Variants in MAP3K5 observed in about 807,000 individuals in gnomAD.
MAP3K5 encodes the protein mitogen-activated protein kinase kinase kinase 5.
A neutral mutation model predicts 158.7 loss-of-function variants in MAP3K5; 56 were observed. The observed-to-expected ratio is 0.35, with a 90% CI of 0.28 to 0.44. The LOEUF (loss-of-function observed/expected upper bound fraction) is 0.44. Ranked by LOEUF, MAP3K5 falls within the 20% of genes least tolerant of loss-of-function variation. The probability of loss-of-function intolerance (pLI) is 1.00; values close to 1 mark genes in which losing one functional copy is unlikely to be tolerated. For synonymous variants in MAP3K5, 579 were observed against 601.7 expected (o/e 0.96, Z 0.55); for missense variants, 1,294 against 1,674.8 (o/e 0.77, Z 3.97).
In MAP3K5 at chr6:136,573,469, C is replaced by T. The variant is rs536248356; in HGVS notation, c.3518-5595G>A. Among the ~76,000 whole-genome samples the T allele has an allele frequency of 7.2e-4, 109 of 152,306 alleles. 3 individuals carry two copies. In the South Asian group the frequency reaches 0.022, roughly 30 times the overall value. On this transcript the variant is annotated intron_variant, in intron 25 of 29. Coordinates refer to ENST00000359015, the MANE Select transcript of MAP3K5 (RefSeq NM_005923.4). ...CCATTATAAATCTTCTCTTATATAT[C>T]TCTATGTATCCTATTGGTTCTGTTT...
chr6:136,644,432 A>G (rs1293616652), intron 11 of MAP3K5, among the ~76,000 whole-genome samples: 1 of 152,224 alleles, frequency 6.6e-6, no homozygotes, highest in African/African-American at 2.4e-5. Context: ...AGCGCTAGCT[A>G]TAATTAGCCC....
intron 25 of MAP3K5, among the ~76,000 whole-genome samples, chr6:136,574,433 A>G (rs1482834708): frequency 3.9e-5 from 6 of 152,132 alleles, no homozygotes; most frequent in Non-Finnish European, 5.9e-5. Context: ...GTTAACAATT[A>G]TTGTTGATAG....
rs757605848 is a variant in MAP3K5 at position 136,601,934 on chromosome 6, C to T, written c.2725G>A (p.Ala909Thr). 1 of 1,614,152 alleles carries T rather than the reference C, an allele frequency of 6.2e-7. No individual in the cohort carries two copies. Among genetic ancestry groups the T allele is most frequent in the Admixed American group, 1.7e-5 (1 of 60,016 alleles). The change falls in exon 20 of 30, where the codon GCA becomes ACA. Residue 909 changes from alanine (A) to threonine (T), a missense_variant. Physicochemically the swap from Ala to Thr is moderately conservative, Grantham distance 58 (BLOSUM62 0). This residue lies in a region of MAP3K5 where 362 missense variants were observed against 463.2 expected (regional missense o/e 0.78). Transcript: ENST00000359015. Reference sequence around the variant, plus strand: ...TTCAGTATGAATGCCTTGGCCTCTGCAGACATGGACTCTGGGATCTCAGGG... The same window carrying T: ...TTCAGTATGAATGCCTTGGCCTCTGTAGACATGGACTCTGGGATCTCAGGG... ...VHPEIPESMS[A>T]EAKAFILKCF...
intron 11 of MAP3K5, among the ~76,000 whole-genome samples, chr6:136,646,164 C>A (rs1338837960): frequency 6.6e-6 from 1 of 151,986 alleles, no homozygotes; most frequent in African/African-American, 2.4e-5. Flanking sequence ...GAAACTGATA[C>A]AAGAAAGCTT....
chr6:136,650,956 C>T (rs370216399), intron 11 of MAP3K5, 28 bp downstream of exon 11: 3 of 1,418,768 alleles, frequency 2.1e-6, no homozygotes, highest in Non-Finnish European at 3.0e-6. Context: ...GTTACTAATG[C>T]TCTTGTGTTA....
At chr6:136,676,468 C>T (rs1779706581) in intron 7 of MAP3K5, among the ~76,000 whole-genome samples, 2 of 152,140 alleles carry the variant, frequency 1.3e-5, no homozygotes, top group South Asian at 2.1e-4. Flanking sequence ...CACTGTGTTA[C>T]ATCTTAATGT....
intron 23 of MAP3K5, among the ~76,000 whole-genome samples, chr6:136,586,031 CTT>C (rs1775125330): frequency 6.6e-6 from 1 of 152,092 alleles, no homozygotes; most frequent in Admixed American, 6.5e-5. Flanking sequence ...AGTTCTTTCT[CTT>C]AATATATTTT....
chr6:136,783,291 C>A (rs1298383148), intron 1 of MAP3K5, among the ~76,000 whole-genome samples: 2 of 133,364 alleles, frequency 1.5e-5, no homozygotes, highest in East Asian at 2.1e-4. Flanking sequence ...AAAAAAAAAA[C>A]CCACAACTAC....
At chr6:136,774,015 C>T (rs1405687551) in intron 1 of MAP3K5, among the ~76,000 whole-genome samples, 2 of 152,102 alleles carry the variant, frequency 1.3e-5, no homozygotes, top group African/African-American at 4.8e-5. Flanking sequence ...TCTCTTTATC[C>T]TACCCCTTCC....
chr6:136,771,640 A>C (rs1784203609), intron 1 of MAP3K5, among the ~76,000 whole-genome samples: 2 of 152,178 alleles, frequency 1.3e-5, no homozygotes, highest in Admixed American at 1.3e-4. Context: ...CCTACTGGGT[A>C]GGCGTGCTCT....
At chr6:136,713,500 G>A (rs923059882) in intron 2 of MAP3K5, among the ~76,000 whole-genome samples, 2 of 152,038 alleles carry the variant, frequency 1.3e-5, no homozygotes, top group East Asian at 3.9e-4. Flanking sequence ...ATAACCTCAG[G>A]GATTCTACAA....
intron 17 of MAP3K5, among the ~76,000 whole-genome samples, chr6:136,612,477 TTTCC>T (rs1776386877): frequency 6.6e-6 from 1 of 152,220 alleles, no homozygotes; most frequent in Non-Finnish European, 1.5e-5. Flanking sequence ...CTTTACTTCT[TTTCC>T]TGGAATATGT....
chr6:136,686,349 T>C (rs1042678750), intron 7 of MAP3K5, among the ~76,000 whole-genome samples: 1 of 152,118 alleles, frequency 6.6e-6, no homozygotes, highest in Admixed American at 6.5e-5. Context: ...AGCATTCCCT[T>C]TGAAAAGCAG....
At chr6:136,566,352 G>A (rs1440363552) in intron 26 of MAP3K5, among the ~76,000 whole-genome samples, 1 of 152,216 alleles carries the variant, frequency 6.6e-6, no homozygotes, top group Non-Finnish European at 1.5e-5. Flanking sequence ...ATGGGTGGGA[G>A]GAGGTCAACC....
intron 14 of MAP3K5, among the ~76,000 whole-genome samples, chr6:136,632,169 G>C (rs79593618): frequency 0.017 from 2,650 of 152,258 alleles, 73 homozygotes; most frequent in East Asian, 0.11. Context: ...GAAAGGAAAG[G>C]GGAAGCTACA....
chr6:136,778,772 G>C (rs1784494749), intron 1 of MAP3K5, among the ~76,000 whole-genome samples: 1 of 152,196 alleles, frequency 6.6e-6, no homozygotes, highest in Non-Finnish European at 1.5e-5. Flanking sequence ...GTGACACTGA[G>C]ACCACTGTTG....
intron 10 of MAP3K5, among the ~76,000 whole-genome samples, chr6:136,652,346 TG>T: frequency 6.6e-6 from 1 of 152,272 alleles, no homozygotes; most frequent in East Asian, 1.9e-4. Context: ...AGTCTCTAGC[TG>T]TGAAAATAAG....
intron 24 of MAP3K5, among the ~76,000 whole-genome samples, chr6:136,580,791 C>T (rs762186905): frequency 6.6e-6 from 1 of 152,022 alleles, no homozygotes; most frequent in Non-Finnish European, 1.5e-5. Flanking sequence ...TCATTATTTT[C>T]AATTACTTCT....
At position 136,792,268 on chromosome 6, in the gene MAP3K5, G is replaced by GCGCCGCGCCCTCGC. The variant is rs1554324573; in HGVS notation, c.-125_-112dup. On this transcript the variant is annotated 5_prime_UTR_variant, in exon 1 of 30. Transcript: ENST00000359015. The surrounding 1 kb of genome is among the most constrained non-coding windows in gnomAD (Gnocchi z 5.7). Reference sequence around the variant, plus strand: ...CGCCGGGCTAAGCAGCTGCCATCGCGCGCCGCGCCCTCGCCGCCGCGCCGC... The same window carrying GCGCCGCGCCCTCGC: ...CGCCGGGCTAAGCAGCTGCCATCGCGCGCCGCGCCCTCGCCGCCGCGCCCTCGCCGCCGCGCCGC... The GCGCCGCGCCCTCGC allele has an allele frequency of 9.3e-6, 11 of 1,180,408 alleles. No homozygotes were observed. The South Asian group carries it at 2.0e-4, about 22-fold the overall frequency. The allele number at this position is 1,180,408 out of a possible 1,614,324, so 73.1% of individuals were successfully genotyped here.
Sources: gnomAD v4.1 joint callset for allele counts (sites outside exome capture counted in the v4.1 genomes callset) on GRCh38, gnomAD v4.1.1 for gene constraint, gnomAD v4.1.1 regional missense constraint, Gnocchi (gnomAD v3.1) non-coding constraint, MANE v1.5 for transcripts, NCBI Gene and HGNC (gene_info 2026-07-23, HGNC 2026-07-21) for gene names.